Variants in CBLN2 observed in about 807,000 individuals in gnomAD.
CBLN2 encodes the protein cerebellin-2.
Under a neutral mutation model 15.0 loss-of-function variants are expected in CBLN2, and 7 were observed. That is an observed-to-expected ratio of 0.47 (90% CI 0.27 to 0.88). The LOEUF (loss-of-function observed/expected upper bound fraction) is 0.88. Among genes scored for constraint, CBLN2 ranks in the 40% least tolerant of loss-of-function variants. CBLN2 has a pLI of 0.14. For missense variants in CBLN2, 242 were observed against 304.5 expected, an observed-to-expected ratio of 0.79 and a Z score of 1.53; for synonymous variants, 149 against 135.2, an observed-to-expected ratio of 1.10 and a Z score of -0.71.
At chr18:72,605,760 T>C (rs1232841566) in intron 1 of CBLN2, among the ~76,000 whole-genome samples, 1 of 152,240 alleles carries the variant, frequency 6.6e-6, no homozygotes, top group Non-Finnish European at 1.5e-5. Flanking sequence ...GGAGAGTTAC[T>C]ACTAAGAAAA....
At chr18:72,591,914 T>C (rs2069482325) in intron 1 of CBLN2, among the ~76,000 whole-genome samples, 1 of 152,126 alleles carries the variant, frequency 6.6e-6, no homozygotes, top group Non-Finnish European at 1.5e-5. Context: ...AGACACATAG[T>C]TTCCTTCCAA....
intron 1 of CBLN2, among the ~76,000 whole-genome samples, chr18:72,558,531 A>C (rs973675575): frequency 1.3e-5 from 2 of 152,138 alleles, no homozygotes; most frequent in Non-Finnish European, 2.9e-5. Context: ...CAAAATGTGC[A>C]GTTGTTCTAA....
chr18:72,591,306 C>A (rs887497915), intron 1 of CBLN2, among the ~76,000 whole-genome samples: 1 of 152,028 alleles, frequency 6.6e-6, no homozygotes, highest in African/African-American at 2.4e-5. Flanking sequence ...AAATTCCTAA[C>A]AAATCTATCA....
At chr18:72,602,151 G>A (rs1162844155) in intron 1 of CBLN2, among the ~76,000 whole-genome samples, 2 of 152,234 alleles carry the variant, frequency 1.3e-5, no homozygotes, top group African/African-American at 4.8e-5. Flanking sequence ...CCCCCCAGAA[G>A]TGGTGCTAGT....
At chr18:72,619,925 A>G (rs1466478788) in intron 1 of CBLN2, among the ~76,000 whole-genome samples, 1 of 152,232 alleles carries the variant, frequency 6.6e-6, no homozygotes, top group East Asian at 1.9e-4. Flanking sequence ...GAGTACAGGA[A>G]CTGAAGTGAG....
At chr18:72,629,608 T>C (rs567912409) in intron 1 of CBLN2, among the ~76,000 whole-genome samples, 5 of 152,258 alleles carry the variant, frequency 3.3e-5, no homozygotes, top group Non-Finnish European at 7.4e-5. Flanking sequence ...GAATTCATGA[T>C]TTATATTGAC....
chr18:72,628,449 C>T (rs575433488), intron 1 of CBLN2, among the ~76,000 whole-genome samples: 51 of 152,274 alleles, frequency 3.3e-4, no homozygotes, highest in Non-Finnish European at 5.1e-4. Flanking sequence ...AATCACAGCC[C>T]CAGCTGACCC....
intron 3 of CBLN2, 118 bp downstream of exon 3, chr18:72,541,686 G>T: frequency 1.4e-6 from 1 of 701,052 alleles, no homozygotes; most frequent in Non-Finnish European, 2.3e-6. Context: ...TAGCAGGGCA[G>T]AGGGGGAGGA....
At chr18:72,593,127 A>C (rs1482777142) in intron 1 of CBLN2, among the ~76,000 whole-genome samples, 39 of 152,104 alleles carry the variant, frequency 2.6e-4, no homozygotes, top group Non-Finnish European at 1.5e-5. Flanking sequence ...ACGAATATGC[A>C]ATATCTTTTT....
intron 1 of CBLN2, among the ~76,000 whole-genome samples, chr18:72,612,535 C>T (rs2069629367): frequency 6.6e-6 from 1 of 151,926 alleles, no homozygotes; most frequent in Non-Finnish European, 1.5e-5. Flanking sequence ...TCTTATCTTG[C>T]TCTGTTGGAT....
chr18:72,584,301 A>C (rs574627706), intron 1 of CBLN2, among the ~76,000 whole-genome samples: 1 of 151,876 alleles, frequency 6.6e-6, no homozygotes, highest in East Asian at 1.9e-4. Context: ...CAGAAAAAAA[A>C]ATTACCAATC....
In CBLN2 at chr18:72,543,603, T is replaced by C; in HGVS notation, c.-211-73A>G. On this transcript the variant is annotated intron_variant, in intron 1 of 4. Transcript: ENST00000269503. This position sits in a 1 kb window ranked among gnomAD's most constrained non-coding sequence, Gnocchi z 6.8. ...GGAGCGCGACCCTGCTCCCAGCGCG[T>C]GGCCAATAACCGCGCCGCCCCGCCC... 1 of 394,234 alleles carries C rather than the reference T, an allele frequency of 2.5e-6. No homozygotes were observed. Among genetic ancestry groups the C allele is most frequent in the Non-Finnish European group, 4.5e-6 (1 of 223,478 alleles). 24.4% of individuals were successfully genotyped at this position (394,234 alleles called of 1,614,324 possible).
rs968795750 is a variant in CBLN2, at chr18:72,584,279, C to G, written c.16-45507G>C. Reference sequence around the variant, plus strand: ...ACTCTTTATCATACCACACCACCCTCTTGGCTCTCTTCAGAAAAAAAAATT... The same window carrying G: ...ACTCTTTATCATACCACACCACCCTGTTGGCTCTCTTCAGAAAAAAAAATT... On this transcript the variant is annotated intron_variant, in intron 1 of 2. Transcript: ENST00000581073. Among the ~76,000 whole-genome samples the G allele has an allele frequency of 2.0e-5, 3 of 151,902 alleles. No individual in the cohort carries two copies. The South Asian group carries it at 6.2e-4, about 32-fold the overall frequency.
rs1210604094 is a variant in CBLN2, at chr18:72,554,713, G to A, written c.16-15941C>T. Among the ~76,000 whole-genome samples, 6 of 151,674 alleles carry A rather than the reference G, an allele frequency of 4.0e-5. No individual in the cohort carries two copies. The South Asian group carries it at 8.3e-4, about 21-fold the overall frequency. On this transcript the variant is annotated intron_variant, in intron 1 of 2. Transcript: ENST00000581073. ...AAAGTTACATACGATCTCTAAATAC[G>A]CTTAGCCAAAATTTCAGGCAAAGTC...
At chr18:72,617,599 T>C (rs1280961541) in intron 1 of CBLN2, among the ~76,000 whole-genome samples, 1 of 152,186 alleles carries the variant, frequency 6.6e-6, no homozygotes. Flanking sequence ...ACATTTTGCC[T>C]CGCATGTTTT....
intron 1 of CBLN2, among the ~76,000 whole-genome samples, chr18:72,578,920 A>C (rs2069385644): frequency 6.6e-6 from 1 of 152,224 alleles, no homozygotes; most frequent in African/African-American, 2.4e-5. Context: ...CAATTCTTCT[A>C]AACAGTGACA....
Position 72,551,596 on chromosome 18 carries a change from T to G in CBLN2, c.16-12824A>C, listed in dbSNP as rs143504081. ...ACCCCATCACTGAAGTCTATATGTC[T>G]GCATGGAGCTGGACTAATGTGTGGG... On this transcript the variant is annotated intron_variant, in intron 1 of 2. Transcript: ENST00000581073. Among the ~76,000 whole-genome samples the G allele has an allele frequency of 2.4e-3, 360 of 152,298 alleles. 2 individuals are homozygous for G. Among genetic ancestry groups the G allele is most frequent in the East Asian group, 8.1e-3 (42 of 5,162 alleles).
intron 1 of CBLN2, among the ~76,000 whole-genome samples, chr18:72,607,702 T>C (rs1168140273): frequency 6.6e-6 from 1 of 152,000 alleles, no homozygotes; most frequent in Admixed American, 6.6e-5. Flanking sequence ...TCTTTCTCTC[T>C]TTCTCTCTCT....
intron 1 of CBLN2, among the ~76,000 whole-genome samples, chr18:72,614,001 T>A (rs1188850663): frequency 1.3e-5 from 2 of 152,212 alleles, no homozygotes; most frequent in Non-Finnish European, 2.9e-5. Flanking sequence ...TTCCCTCTGT[T>A]ACTCCCTGTC....
Sources: allele counts gnomAD v4.1 joint callset (sites outside exome capture counted in the v4.1 genomes callset), GRCh38; gene constraint gnomAD v4.1.1; non-coding constraint Gnocchi (gnomAD v3.1); transcripts MANE v1.5; gene names NCBI Gene and HGNC (gene_info 2026-07-23, HGNC 2026-07-21).